Variants in AGL observed in about 807,000 individuals in gnomAD.
The protein encoded by AGL is amylo-alpha-1,6-glucosidase and 4-alpha-glucanotransferase, also known as glycogen debranching enzyme.
In AGL, 128 loss-of-function variants were observed where a neutral mutation model predicts 199.3. The ratio of observed to expected loss-of-function variants is 0.64; its 90% CI spans 0.56 to 0.74. The LOEUF (loss-of-function observed/expected upper bound fraction) is 0.74. Ranked by LOEUF, AGL falls within the 30% of genes least tolerant of loss-of-function variation. The probability of loss-of-function intolerance (pLI) is 0.00; values close to 1 mark genes in which losing one functional copy is unlikely to be tolerated. For missense variants in AGL, 1,809 were observed against 1,820.8 expected, an observed-to-expected ratio of 0.99 and a Z score of 0.12; for synonymous variants, 584 against 594.7, an observed-to-expected ratio of 0.98 and a Z score of 0.26.
intron 20 of AGL, among the ~76,000 whole-genome samples, chr1:99,886,016 A>G (rs1652423045): frequency 6.6e-6 from 1 of 152,150 alleles, no homozygotes; most frequent in South Asian, 2.1e-4. Flanking sequence ...ATACTGCCAA[A>G]TTTTCTCCAG....
intron 2 of AGL, among the ~76,000 whole-genome samples, chr1:99,856,656 A>T (rs933283302): frequency 1.3e-5 from 2 of 151,936 alleles, no homozygotes; most frequent in Non-Finnish European, 2.9e-5. Flanking sequence ...CTTAGGGAGC[A>T]TGCTGCCTCC....
In AGL at chr1:99,861,695, AG is replaced by A. The variant is rs1057517243; in HGVS notation, c.276del (p.Gln92HisfsTer16). 4 of 1,613,618 alleles carry A rather than the reference AG, an allele frequency of 2.5e-6. No individual in the cohort carries two copies. Among genetic ancestry groups the A allele is most frequent in the Admixed American group, 1.7e-5 (1 of 60,006 alleles). ...KLNLQQSGSF[Q>X]YYFLQGNEKS... The stretch of plus-strand genomic sequence containing the variant: ...AATCTGCAACAATCTGGTTCATTTC[AG>A]TATTATTTCCTTCAAGGGTAAGTCA... On this transcript the variant is annotated frameshift_variant, in exon 3 of 34. Coordinates refer to ENST00000361915, the MANE Select transcript of AGL (RefSeq NM_000642.3). LOFTEE classifies it high-confidence loss of function.
intron 25 of AGL, among the ~76,000 whole-genome samples, chr1:99,898,027 A>G (rs754062645): frequency 6.6e-6 from 1 of 151,474 alleles, no homozygotes; most frequent in African/African-American, 2.4e-5. Context: ...TGTATGGCCT[A>G]TGAGCAAAGA....
At chr1:99,919,397 C>T (rs1655360562) in intron 33 of AGL, among the ~76,000 whole-genome samples, 1 of 152,102 alleles carries the variant, frequency 6.6e-6, no homozygotes, top group Admixed American at 6.5e-5. Context: ...GCTTTCTGGC[C>T]CAGCAAGGTT....
At chr1:99,892,669 TAGGAAAA>T in intron 24 of AGL, 62 bp downstream of exon 24, 1 of 1,513,424 alleles carries the variant, frequency 6.6e-7, no homozygotes. Context: ...AGAAAAGTTA[TAGGAAAA>T]TGATTATTTT....
At chr1:99,900,916 A>G (rs1653785920) in intron 26 of AGL, 55 bp downstream of exon 26, 1 of 1,395,364 alleles carries the variant, frequency 7.2e-7, no homozygotes, top group Non-Finnish European at 9.9e-7. Context: ...CTGAAAAATG[A>G]CTTTTAGTTT....
In AGL at chr1:99,923,027, G is replaced by A. The variant is rs1270646244; in HGVS notation, c.*1376G>A. On this transcript the variant is annotated 3_prime_UTR_variant, in exon 34 of 34. Coordinates refer to ENST00000361915, the MANE Select transcript of AGL (RefSeq NM_000642.3). ...AGATGTCAAATACCCATGCTTGAAA[G>A]CTCGTGTAATTTACTTTAAGATTAT... is the stretch of plus-strand genomic sequence containing the variant. 1 of 152,080 alleles carries A rather than the reference G, an allele frequency of 6.6e-6. No individual in the cohort carries two copies. The highest frequency in any genetic ancestry group is 1.5e-5 in the Non-Finnish European group (1 of 67,972). 9.4% of individuals were successfully genotyped at this position (152,080 alleles called of 1,614,324 possible). A position where few individuals can be genotyped will look rare whatever the true frequency, so the allele number is the denominator to read the frequency against.
chr1:99,900,873 T>A lies in AGL; in HGVS notation c.3588+12T>A. On this transcript the variant is annotated intron_variant, in intron 26 of 33. Transcript: ENST00000361915. ...CTGCTGGCACACTGGTAAAGATATT[T>A]CTTAAAATGTTTTTTTGTTTTTTTT... 1 of 1,568,052 alleles carries A rather than the reference T, an allele frequency of 6.4e-7. No individual in the cohort carries two copies. The highest frequency in any genetic ancestry group is 8.7e-7 in the Non-Finnish European group (1 of 1,149,614).
chr1:99,881,148 A>T lies in AGL; in HGVS notation c.1972A>T (p.Arg658Ter), dbSNP rs1173312923. The T allele has an allele frequency of 6.2e-7, 1 of 1,613,900 alleles. No individual in the cohort carries two copies. Among genetic ancestry groups the T allele is most frequent in the African/African-American group, 1.3e-5 (1 of 74,934 alleles). ...SMACCASGST[R>*]GYDELVPHQI... Reference sequence around the variant, plus strand: ...GGCATGTTGTGCTAGTGGAAGTACAAGAGGCTATGATGAATTAGTGCCTCA... The same window carrying T: ...GGCATGTTGTGCTAGTGGAAGTACATGAGGCTATGATGAATTAGTGCCTCA... Residue 658 changes from arginine to a stop codon, truncating the protein, a stop_gained, in exon 15 of 34, where the codon AGA (arginine) becomes TGA (stop). Transcript: ENST00000361915. LOFTEE classifies it high-confidence loss of function.
intron 11 of AGL, among the ~76,000 whole-genome samples, chr1:99,876,961 A>G (rs1337893716): frequency 6.6e-6 from 1 of 152,178 alleles, no homozygotes; most frequent in African/African-American, 2.4e-5. Flanking sequence ...AGATATTTTC[A>G]CTCATTGGCC....
intron 33 of AGL, among the ~76,000 whole-genome samples, chr1:99,919,371 A>G (rs1655357997): frequency 1.3e-5 from 2 of 152,168 alleles, no homozygotes; most frequent in South Asian, 4.1e-4. Flanking sequence ...TTTGTCACAT[A>G]TGGAAGTCCT....
At position 99,910,738 on chromosome 1, in the gene AGL, G is replaced by A. The variant is rs778230759; in HGVS notation, c.3727G>A (p.Glu1243Lys). 2 of 1,609,452 alleles carry A rather than the reference G, an allele frequency of 1.2e-6. No individual in the cohort carries two copies. Among genetic ancestry groups the A allele is most frequent in the Admixed American group, 3.3e-5 (2 of 59,958 alleles). Reference sequence around the variant, plus strand: ...TTTTAATATAACTGCAGGAGTTGATGAAGAAACAGGATTTGTTTATGGAGG... The same window carrying A: ...TTTTAATATAACTGCAGGAGTTGATAAAGAAACAGGATTTGTTTATGGAGG... ...EGFNITAGVDEETGFVYGGNR... is the reference protein window; with the variant it reads ...EGFNITAGVDKETGFVYGGNR... Residue 1243 changes from glutamate to lysine, a missense_variant, in exon 28 of 34, where the codon GAA (glutamate) becomes AAA (lysine). Glu to Lys is a moderately conservative substitution (Grantham distance 56). Transcript: ENST00000361915.
At position 99,874,746 on chromosome 1, in the gene AGL, G is replaced by C. The variant is rs1234746702; in HGVS notation, c.1018G>C (p.Glu340Gln). ...ACACCTTACGATTATTCAAGATCCT[G>C]AATACAGACGGTTTGGCTGTACTGT... is the stretch of plus-strand genomic sequence containing the variant. ...NQHLTIIQDPEYRRFGCTVDM... is the reference protein window; with the variant it reads ...NQHLTIIQDPQYRRFGCTVDM... Residue 340 changes from glutamate to glutamine, a missense_variant, in exon 8 of 34, where the codon GAA becomes CAA. Transcript: ENST00000361915. The C allele has an allele frequency of 6.2e-7, 1 of 1,601,280 alleles. No homozygotes were observed.
chr1:99,861,324 A>G, intron 2 of AGL, 179 bp from the exon 3 acceptor site: 1 of 1,476,362 alleles, frequency 6.8e-7, no homozygotes, highest in Non-Finnish European at 8.9e-7. Context: ...TACTTGCTAA[A>G]ATGTGAAATT....
chr1:99,902,662 CACCCAT>C lies in AGL; in HGVS notation c.3589-20_3589-15del. On this transcript the variant is annotated splice_polypyrimidine_tract_variant and intron_variant, in intron 26 of 33. Transcript: ENST00000361915. ...AAAATGTAATTTCTAACAGAGGTAACACCCATTATGTCTCAAACAGGATCAGCCATT... is the reference window on the plus strand; with the variant it reads ...AAAATGTAATTTCTAACAGAGGTAACTATGTCTCAAACAGGATCAGCCATT... 6.4e-7 allele frequency: 1 copy of C among 1,555,076 alleles called. No homozygotes were observed. The highest frequency in any genetic ancestry group is 1.1e-5 in the South Asian group (1 of 89,848).
rs1651922466 is a variant in AGL, at chr1:99,880,498, A to G, written c.1736-134A>G. 24 of 1,082,348 alleles carry G rather than the reference A, an allele frequency of 2.2e-5. No individual in the cohort carries two copies. The South Asian group carries it at 3.4e-4, about 15-fold the overall frequency. 67.0% of individuals were successfully genotyped at this position (1,082,348 alleles called of 1,614,324 possible). On this transcript the variant is annotated intron_variant, in intron 13 of 33. Transcript: ENST00000361915. ...CACTTAAACTAGTAGACATTTGTTTAAATCCTTAAAGCAGTTTTATTTTTT... is the reference window on the plus strand; with the variant it reads ...CACTTAAACTAGTAGACATTTGTTTGAATCCTTAAAGCAGTTTTATTTTTT...
rs138203039 is a variant in AGL at position 99,851,081 on chromosome 1, C to A, written c.39C>A (p.Asn13Lys). Residue 13 changes from asparagine to lysine, a missense_variant, in exon 2 of 34, where the codon AAC (asparagine) becomes AAA (lysine). By Grantham distance (94) the Asn-to-Lys change is moderately conservative. Transcript: ENST00000361915. ...HSKQIRILLL[N>K]EMEKLEKTLF... The stretch of plus-strand genomic sequence containing the variant: ...AACAGATTCGAATTTTACTTCTGAA[C>A]GAAATGGAGAAACTGGAAAAGACCC... The A allele has an allele frequency of 2.5e-6, 4 of 1,613,920 alleles. No individual in the cohort carries two copies. In the African/African-American group the frequency reaches 4.0e-5, roughly 16 times the overall value.
At chr1:99,857,802 G>A (rs1649658097) in intron 2 of AGL, among the ~76,000 whole-genome samples, 1 of 144,126 alleles carries the variant, frequency 6.9e-6, no homozygotes, top group African/African-American at 2.5e-5. Flanking sequence ...GGAGACCGTG[G>A]GGAGGGGGAG....
chr1:99,866,554 C>T (rs1360283582), intron 5 of AGL, among the ~76,000 whole-genome samples: 1 of 152,114 alleles, frequency 6.6e-6, no homozygotes, highest in African/African-American at 2.4e-5. Flanking sequence ...TCTTGCCATA[C>T]CTACCTTAAA....
Sources: allele counts gnomAD v4.1 joint callset (sites outside exome capture counted in the v4.1 genomes callset), GRCh38; gene constraint gnomAD v4.1.1; transcripts MANE v1.5; gene names NCBI Gene and HGNC (gene_info 2026-07-23, HGNC 2026-07-21).